Variants in PI4KA observed in about 807,000 individuals in gnomAD.
PI4KA encodes PI4-kinase alpha.
Under a neutral mutation model 271.4 loss-of-function variants are expected in PI4KA, and 122 were observed. The ratio of observed to expected loss-of-function variants is 0.45; its 90% CI spans 0.39 to 0.52. The LOEUF (loss-of-function observed/expected upper bound fraction) is 0.52, where lower values mean the gene tolerates loss of function less well. Among genes scored for constraint, PI4KA ranks in the 20% least tolerant of loss-of-function variants. The pLI is 0.00. For synonymous variants in PI4KA, 1,041 were observed against 1,078.8 expected, an observed-to-expected ratio of 0.96 and a Z score of 0.69; for missense variants, 1,969 against 2,769.1, an observed-to-expected ratio of 0.71 and a Z score of 6.48.
intron 23 of PI4KA, among the ~76,000 whole-genome samples, chr22:20,757,842 C>T (rs1931474774): frequency 6.6e-6 from 1 of 152,140 alleles, no homozygotes. Flanking sequence ...CCGCACCCAG[C>T]CTTTTTCTTC....
chr22:20,808,029 G>A (rs777553167), intron 9 of PI4KA, among the ~76,000 whole-genome samples: 40 of 151,944 alleles, frequency 2.6e-4, no homozygotes, highest in Non-Finnish European at 5.1e-4. Context: ...GGTGGCTCAC[G>A]CCTGTAATCC....
intron 45 of PI4KA, 118 bp from the exon 46 acceptor site, chr22:20,714,818 G>A (rs1925768999): frequency 8.3e-7 from 1 of 1,207,194 alleles, no homozygotes; most frequent in Admixed American, 2.5e-5. Flanking sequence ...CCGCCCCTGT[G>A]GAGGGGCCTC....
chr22:20,793,414 T>C, intron 18 of PI4KA, 171 bp from the exon 19 acceptor site: 1 of 505,800 alleles, frequency 2.0e-6, no homozygotes, highest in Admixed American at 3.3e-5. Context: ...ATAATTTTAA[T>C]AGCAAAAAAT....
intron 43 of PI4KA, 57 bp downstream of exon 43, chr22:20,721,241 T>TA: frequency 6.3e-7 from 1 of 1,596,524 alleles, no homozygotes; most frequent in Non-Finnish European, 8.6e-7. Flanking sequence ...CTGTAGAAGG[T>TA]GCTTGGCAGT....
chr22:20,831,500 G>A (rs1372586567), intron 3 of PI4KA, among the ~76,000 whole-genome samples: 5 of 152,088 alleles, frequency 3.3e-5, no homozygotes, highest in South Asian at 2.1e-4. Context: ...CCTGGGAGGC[G>A]GAGGTTGTAG....
In PI4KA at chr22:20,838,634, A is replaced by C. The variant is rs1464818937; in HGVS notation, c.254T>G (p.Leu85Arg). Residue 85 changes from leucine to arginine, a missense_variant, in exon 2 of 55, where the codon CTG (leucine) becomes CGG (arginine). Leu to Arg is a moderately radical substitution (Grantham distance 102). Transcript: ENST00000255882. ...ACTTACCTGAAGATCAGATTCAATC[A>C]GAAAAATGCCCAATGCAATCACTGC... ...RDAVIALGIF[L>R]IESDLQHKDC... The C allele has an allele frequency of 1.2e-6, 2 of 1,605,120 alleles. No homozygotes were observed. The highest frequency in any genetic ancestry group is 1.7e-6 in the Non-Finnish European group (2 of 1,171,920).
Position 20,742,446 on chromosome 22 carries a change from G to A in PI4KA, c.3614-91C>T, listed in dbSNP as rs762543967. 21 of 1,565,382 alleles carry A rather than the reference G, an allele frequency of 1.3e-5. No homozygotes were observed. The Admixed American group carries it at 2.1e-4, about 16-fold the overall frequency. On this transcript the variant is annotated intron_variant, in intron 31 of 54. Transcript: ENST00000255882. The stretch of plus-strand genomic sequence containing the variant: ...GGCCAACAAGAGTTGACCAGCTGGG[G>A]CCAGTGATGGCCTTTTATTGACTTT...
In PI4KA at chr22:20,834,583, T is replaced by C. The variant is rs1441010690; in HGVS notation, c.346A>G (p.Ser116Gly). 3.1e-6 allele frequency: 5 copies of C among 1,607,462 alleles called. No homozygotes were observed. The South Asian group carries it at 5.5e-5, about 18-fold the overall frequency. The change falls in exon 3 of 55, where the codon AGC becomes GGC. Residue 116 changes from serine to glycine, a missense_variant. Physicochemically the swap from Ser to Gly is moderately conservative, Grantham distance 56 (BLOSUM62 0). Around this residue, in one of 13 missense-constraint regions of PI4KA, gnomAD observed 540 missense variants for 555.5 expected, o/e 0.97. Coordinates refer to ENST00000255882, the MANE Select transcript of PI4KA (RefSeq NM_058004.4). ...TTACCTCTGCCTTTCCGAGCTGTGC[T>C]TTCTTCTACCCAATACACTTTTGGA... ...GLPKVYWVEE[S>G]TARKGRGALP...
At chr22:20,824,456 A>G in intron 3 of PI4KA, 42 bp from the exon 4 acceptor site, 1 of 1,407,560 alleles carries the variant, frequency 7.1e-7, no homozygotes. Flanking sequence ...CAGGAACCAG[A>G]TACTGGGTCA....
intron 1 of PI4KA, among the ~76,000 whole-genome samples, chr22:20,855,973 CTCT>C (rs1374057889): frequency 6.6e-6 from 1 of 152,232 alleles, no homozygotes; most frequent in Non-Finnish European, 1.5e-5. Flanking sequence ...GCTCTATTCA[CTCT>C]TCTTCACAGA....
intron 5 of PI4KA, 31 bp from the exon 6 acceptor site, chr22:20,819,931 A>T: frequency 6.3e-7 from 1 of 1,589,426 alleles, no homozygotes. Context: ...GTTACAATAT[A>T]AGAAAGTATC....
At chr22:20,720,535 G>C (rs1293259627) in intron 43 of PI4KA, among the ~76,000 whole-genome samples, 2 of 152,130 alleles carry the variant, frequency 1.3e-5, no homozygotes, top group East Asian at 3.8e-4. Context: ...CTGGGAGAGG[G>C]ACCCTGCCTC....
At chr22:20,778,641 C>T (rs553436854) in intron 19 of PI4KA, among the ~76,000 whole-genome samples, 2 of 152,312 alleles carry the variant, frequency 1.3e-5, no homozygotes, top group South Asian at 4.1e-4. Flanking sequence ...CATTTTTCAA[C>T]AGCATCTCCA....
At chr22:20,784,035 G>A in intron 19 of PI4KA, 2 of 1,614,174 alleles carry the variant, frequency 1.2e-6, no homozygotes, top group Non-Finnish European at 8.5e-7. Context: ...CTGAATGAGA[G>A]AGAGGTAGTT....
chr22:20,770,771 A>T (rs886290171), intron 19 of PI4KA, among the ~76,000 whole-genome samples: 1 of 152,162 alleles, frequency 6.6e-6, no homozygotes, highest in African/African-American at 2.4e-5. Context: ...TTATTTCAAA[A>T]GAAAAAGTTT....
intron 22 of PI4KA, 64 bp downstream of exon 22, chr22:20,764,753 C>T (rs950576432): frequency 1.3e-6 from 2 of 1,505,028 alleles, no homozygotes; most frequent in Admixed American, 2.1e-5. Context: ...CTTACGAGGG[C>T]ACAAAAATGA....
intron 3 of PI4KA, among the ~76,000 whole-genome samples, chr22:20,833,651 G>GTTTTT (rs869299414): frequency 1.0e-5 from 1 of 95,596 alleles, no homozygotes; most frequent in Non-Finnish European, 2.0e-5. Context: ...GTTTTGGTTT[G>GTTTTT]TTTTTGTTTT....
chr22:20,813,369 G>A lies in PI4KA; in HGVS notation c.994C>T (p.Leu332Phe). 1 of 1,613,426 alleles carries A rather than the reference G, an allele frequency of 6.2e-7. No homozygotes were observed. The highest frequency in any genetic ancestry group is 2.2e-5 in the East Asian group (1 of 44,876). The change falls in exon 8 of 55, where the codon CTC becomes TTC. Residue 332 changes from leucine to phenylalanine, a missense_variant. Coordinates refer to ENST00000255882, the MANE Select transcript of PI4KA (RefSeq NM_058004.4). ...FNIPLEMLRELLNLVKKIVEE... is the reference protein window; with the variant it reads ...FNIPLEMLREFLNLVKKIVEE... ...AGTTCTTTGCTTACCAGGTTTAAGA[G>A]TTCCCGAAGCATTTCCAATGGAATG...
intron 3 of PI4KA, among the ~76,000 whole-genome samples, chr22:20,832,703 C>A (rs1017915180): frequency 6.6e-6 from 1 of 152,206 alleles, no homozygotes; most frequent in Non-Finnish European, 1.5e-5. Context: ...GATCTACCCA[C>A]CTTGGCCTCC....
Sources: allele counts gnomAD v4.1 joint callset (sites outside exome capture counted in the v4.1 genomes callset), GRCh38; gene constraint gnomAD v4.1.1; regional missense constraint gnomAD v4.1.1; transcripts MANE v1.5; gene names NCBI Gene and HGNC (gene_info 2026-07-23, HGNC 2026-07-21).